CILP2: variants seen among roughly 807,000 people sequenced by gnomAD.
CILP2 encodes the protein cartilage intermediate layer protein 2.
A neutral mutation model predicts 45.6 loss-of-function variants in CILP2; 38 were observed. The observed-to-expected ratio is 0.83, with a 90% confidence interval of 0.64 to 1.09. The LOEUF (loss-of-function observed/expected upper bound fraction) is 1.09. CILP2 is among the 50% of genes least tolerant of loss of function. The probability of loss-of-function intolerance (pLI) is 0.00; values close to 1 mark genes in which losing one functional copy is unlikely to be tolerated. For synonymous variants in CILP2, 780 were observed against 723.5 expected, an observed-to-expected ratio of 1.08 and a Z score of -1.25; for missense variants, 1,735 against 1,662.2, an observed-to-expected ratio of 1.04 and a Z score of -0.76.
At position 19,544,532 on chromosome 19, in the gene CILP2, G is replaced by C. The variant is rs779074968; in HGVS notation, c.1987G>C (p.Val663Leu). 1 of 1,587,666 alleles carries C rather than the reference G, an allele frequency of 6.3e-7. No individual in the cohort carries two copies. Among genetic ancestry groups the C allele is most frequent in the Non-Finnish European group, 8.5e-7 (1 of 1,172,692 alleles). ...AEQLQVGPVA[V>L]RVAASQIHMP... ...GCAGCTGCAGGTGGGGCCGGTGGCC[G>C]TGCGGGTGGCCGCCAGCCAGATCCA... The change falls in exon 8 of 8, where the codon GTG (valine) becomes CTG (leucine). Residue 663 changes from valine to leucine, a missense_variant. Coordinates refer to ENST00000291495, the MANE Select transcript of CILP2 (RefSeq NM_153221.2).
intron 3 of CILP2, 180 bp downstream of exon 3, chr19:19,540,656 G>T: frequency 1.3e-6 from 1 of 753,162 alleles, no homozygotes; most frequent in Non-Finnish European, 1.9e-6. Flanking sequence ...CAGGCAGGGC[G>T]GGGCTTTTGA....
Position 19,543,263 on chromosome 19 carries a change from C to A in CILP2, c.993C>A (p.Thr331=). The A allele has an allele frequency of 6.2e-7, 1 of 1,613,288 alleles. No homozygotes were observed. The highest frequency in any genetic ancestry group is 8.5e-7 in the Non-Finnish European group (1 of 1,179,904). ...TGCCATCCAGGTTCCACAATGGGACCCTGCTGGACAGGCGAGCTCATGGGT... is the reference window on the plus strand; with the variant it reads ...TGCCATCCAGGTTCCACAATGGGACACTGCTGGACAGGCGAGCTCATGGGT... The part of the protein sequence containing the change: ...PKKYSWFHNG[T]LLDRRAHGYG... The change falls in exon 7 of 8, where the codon ACC becomes ACA. Residue 331 remains threonine, a synonymous_variant. Transcript: ENST00000291495.
At chr19:19,543,226 G>T in intron 6 of CILP2, 22 bp from the exon 7 acceptor site, 2 of 1,610,556 alleles carry the variant, frequency 1.2e-6, no homozygotes, top group South Asian at 1.1e-5. Context: ...GAGTCCTATG[G>T]TGTCGCTCAC....
chr19:19,541,096 T>TCGTGGGGCG lies in CILP2; in HGVS notation c.451_459dup (p.Ala151_Gly153dup), dbSNP rs757178259. Reference sequence around the variant, plus strand: ...TCCGTCCCTGCCTTCCGCAGAAGCCTCGTGGGGCGCGTGGGGCCCGTGGGG... The same window carrying TCGTGGGGCG: ...TCCGTCCCTGCCTTCCGCAGAAGCCTCGTGGGGCGCGTGGGGCGCGTGGGGCCCGTGGGG... On this transcript the variant is annotated inframe_insertion, in exon 4 of 8. Coordinates refer to ENST00000291495, the MANE Select transcript of CILP2 (RefSeq NM_153221.2). The TCGTGGGGCG allele has an allele frequency of 1.3e-5, 16 of 1,263,400 alleles. No homozygotes were observed. The highest frequency in any genetic ancestry group is 9.2e-5 in the African/African-American group (6 of 65,362). The allele number at this position is 1,263,400 out of a possible 1,614,324, so 78.3% of individuals were successfully genotyped here.
intron 7 of CILP2, 28 bp from the exon 8 acceptor site, chr19:19,543,653 C>T (rs2061252224): frequency 6.4e-7 from 1 of 1,569,876 alleles, no homozygotes; most frequent in Non-Finnish European, 8.7e-7. Flanking sequence ...CCTCCCTGCC[C>T]TGACCTGCAT....
chr19:19,546,132 G>C lies in CILP2; in HGVS notation c.*116G>C. ...CCCAGGTGTCTGGGTCCCCTTTCCC[G>C]CCCCTTTCCAGAACTCAGAGTCAGA... On this transcript the variant is annotated 3_prime_UTR_variant, in exon 8 of 8. Coordinates refer to ENST00000291495, the MANE Select transcript of CILP2 (RefSeq NM_153221.2). 1 of 819,946 alleles carries C rather than the reference G, an allele frequency of 1.2e-6. No individual in the cohort carries two copies. The highest frequency in any genetic ancestry group is 1.7e-6 in the Non-Finnish European group (1 of 576,692). The allele number at this position is 819,946 out of a possible 1,614,324, so 50.8% of individuals were successfully genotyped here.
At chr19:19,542,333 G>A (rs1236162522) in intron 4 of CILP2, 42 bp from the exon 5 acceptor site, 26 of 1,576,868 alleles carry the variant, frequency 1.6e-5, no homozygotes, top group Non-Finnish European at 2.2e-5. Context: ...AGGAGGGAGT[G>A]TGAAGGTTTC....
chr19:19,541,342 G>C (rs1238442132), intron 4 of CILP2, 96 bp downstream of exon 4: 3 of 1,094,560 alleles, frequency 2.7e-6, no homozygotes. Flanking sequence ...GTTAGAGGCG[G>C]TGCCTGGATG....
At chr19:19,541,542 C>T (rs1231585478) in intron 4 of CILP2, among the ~76,000 whole-genome samples, 1 of 152,200 alleles carries the variant, frequency 6.6e-6, no homozygotes, top group African/African-American at 2.4e-5. Context: ...TAACTATGCA[C>T]ATCTGGACAG....
At chr19:19,541,515 GGCCC>G (rs2061244248) in intron 4 of CILP2, among the ~76,000 whole-genome samples, 1 of 152,170 alleles carries the variant, frequency 6.6e-6, no homozygotes, top group Non-Finnish European at 1.5e-5. Context: ...TTCCCTCCTG[GGCCC>G]AAGGAGCACT....
In CILP2 at chr19:19,541,255, G is replaced by A; in HGVS notation, c.592+9G>A. The A allele has an allele frequency of 7.8e-7, 1 of 1,287,234 alleles. No individual in the cohort carries two copies. The highest frequency in any genetic ancestry group is 9.8e-7 in the Non-Finnish European group (1 of 1,016,074). The allele number at this position is 1,287,234 out of a possible 1,614,324, so 79.7% of individuals were successfully genotyped here. On this transcript the variant is annotated intron_variant, in intron 4 of 7. Transcript: ENST00000291495. ...GCGGCCTCGGTGTCCAGGTAGGAGG[G>A]GCGGGGTCTGGAGGCTGGGACCTGT... is the stretch of plus-strand genomic sequence containing the variant.
chr19:19,542,724 A>C, intron 5 of CILP2, 74 bp downstream of exon 5: 1 of 1,596,248 alleles, frequency 6.3e-7, no homozygotes, highest in African/African-American at 1.3e-5. Context: ...CGATCAAGAG[A>C]GGAAGAAATG....
chr19:19,545,951 G>A lies in CILP2; in HGVS notation c.3406G>A (p.Ala1136Thr). 2 of 1,557,446 alleles carry A rather than the reference G, an allele frequency of 1.3e-6. No individual in the cohort carries two copies. Among genetic ancestry groups the A allele is most frequent in the Non-Finnish European group, 1.7e-6 (2 of 1,146,904 alleles). Residue 1136 changes from alanine (A) to threonine (T), a missense_variant, in exon 8 of 8, where the codon GCG (alanine) becomes ACG (threonine). By Grantham distance (58) the Ala-to-Thr change is moderately conservative. Transcript: ENST00000291495. Reference protein sequence around the residue: ...LGDIRREMSEAAQAQARASGP... With the variant: ...LGDIRREMSETAQAQARASGP... ...TGACATCCGCAGGGAGATGAGCGAG[G>A]CGGCGCAGGCACAGGCCCGGGCCTC...
chr19:19,545,266 C>T lies in CILP2; in HGVS notation c.2721C>T (p.Tyr907=). Reference sequence around the variant, plus strand: ...TCGCCAGGGTGGAGGCGGACAAGTACGAGTACAACGTGGTCCCCTTCCGAG... The same window carrying T: ...TCGCCAGGGTGGAGGCGGACAAGTATGAGTACAACGTGGTCCCCTTCCGAG... ...FRFARVEADK[Y]EYNVVPFREG... The change falls in exon 8 of 8, where the codon TAC becomes TAT. Residue 907 remains tyrosine, a synonymous_variant. Transcript: ENST00000291495. 6 of 1,612,724 alleles carry T rather than the reference C, an allele frequency of 3.7e-6. No homozygotes were observed. The South Asian group carries it at 4.4e-5, about 12-fold the overall frequency.
rs751517386 is a variant in CILP2, at chr19:19,542,993, C to A, written c.977+21C>A. On this transcript the variant is annotated intron_variant, in intron 6 of 7. Coordinates refer to ENST00000291495, the MANE Select transcript of CILP2 (RefSeq NM_153221.2). ...TCCTGGTGAGCGCCCGCCCCGGGCT[C>A]AGGGGCATCTTCTGTGGCTTTGGGG... 29 of 1,478,176 alleles carry A rather than the reference C, an allele frequency of 2.0e-5. No homozygotes were observed. In the South Asian group the frequency reaches 3.2e-4, roughly 16 times the overall value. The allele number at this position is 1,478,176 out of a possible 1,614,324, so 91.6% of individuals were successfully genotyped here.
At position 19,542,559 on chromosome 19, in the gene CILP2, C is replaced by G; in HGVS notation, c.777C>G (p.Ile259Met). ...PGVCADSRAN[I>M]RAQMDGFSAG... ...TCTGTGCTGACAGCCGCGCCAACAT[C>G]AGGGCCCAGATGGATGGCTTCTCTG... Residue 259 changes from isoleucine (I) to methionine (M), a missense_variant, in exon 5 of 8, where the codon ATC (isoleucine) becomes ATG (methionine). Ile to Met is a conservative substitution (Grantham distance 10, BLOSUM62 1). Coordinates refer to ENST00000291495, the MANE Select transcript of CILP2 (RefSeq NM_153221.2). The G allele has an allele frequency of 2.5e-6, 4 of 1,614,138 alleles. No individual in the cohort carries two copies. The highest frequency in any genetic ancestry group is 1.7e-6 in the Non-Finnish European group (2 of 1,180,050).
At position 19,543,805 on chromosome 19, in the gene CILP2, C is replaced by T. The variant is rs749216273; in HGVS notation, c.1260C>T (p.Cys420=). Residue 420 remains cysteine (C), a synonymous_variant, in exon 8 of 8, where the codon TGC becomes TGT. Coordinates refer to ENST00000291495, the MANE Select transcript of CILP2 (RefSeq NM_153221.2). ...TGGGCCTCTGTCCCGACACCCGCTG[C>T]CCCAGCCTGGCAGGCTCCAGCCCCC... ...LDVGLCPDTR[C]PSLAGSSPRC... 5 of 1,613,858 alleles carry T rather than the reference C, an allele frequency of 3.1e-6. No homozygotes were observed. Among genetic ancestry groups the T allele is most frequent in the Non-Finnish European group, 2.5e-6 (3 of 1,179,926 alleles).
At position 19,545,965 on chromosome 19, in the gene CILP2, G is replaced by A. The variant is rs2144681069; in HGVS notation, c.3420G>A (p.Gln1140=). 2 of 1,541,584 alleles carry A rather than the reference G, an allele frequency of 1.3e-6. No individual in the cohort carries two copies. The highest frequency in any genetic ancestry group is 1.4e-5 in the African/African-American group (1 of 72,768). The change falls in exon 8 of 8, where the codon CAG becomes CAA. Residue 1140 remains glutamine, a synonymous_variant. Coordinates refer to ENST00000291495, the MANE Select transcript of CILP2 (RefSeq NM_153221.2). ...RREMSEAAQA[Q]ARASGPLRTR... is the part of the protein sequence containing the mutation. ...AGATGAGCGAGGCGGCGCAGGCACA[G>A]GCCCGGGCCTCAGGTCCCCTCCGCA... is the stretch of plus-strand genomic sequence containing the variant.
rs965116854 is a variant in CILP2, at chr19:19,544,608, C to T, written c.2063C>T (p.Thr688Ile). 1 of 1,577,558 alleles carries T rather than the reference C, an allele frequency of 6.3e-7. No individual in the cohort carries two copies. Among genetic ancestry groups the T allele is most frequent in the Admixed American group, 1.8e-5 (1 of 56,990 alleles). The stretch of plus-strand genomic sequence containing the variant: ...AAGCTGTGGTCGCTGAACCCCGAGA[C>T]CGGCTTGTGGGAGGAGGAGAGCGGC... ...ALKLWSLNPETGLWEEESGFR... is the reference protein window; with the variant it reads ...ALKLWSLNPEIGLWEEESGFR... The change falls in exon 8 of 8, where the codon ACC becomes ATC. Residue 688 changes from threonine to isoleucine, a missense_variant. By Grantham distance (89) the Thr-to-Ile change is moderately conservative. Transcript: ENST00000291495.
Sources: gnomAD v4.1 joint callset for allele counts (sites outside exome capture counted in the v4.1 genomes callset) on GRCh38, gnomAD v4.1.1 for gene constraint, MANE v1.5 for transcripts, NCBI Gene and HGNC (gene_info 2026-07-23, HGNC 2026-07-21) for gene names.